The following PTPN12 variants were observed in gnomAD, a reference collection of about 807,000 sequenced individuals.
PTPN12 encodes tyrosine-protein phosphatase non-receptor type 12.
PTPN12 carries 29 observed loss-of-function variants against 97.6 expected under a neutral mutation model. The ratio of observed to expected loss-of-function variants is 0.30; its 90% CI spans 0.22 to 0.41. PTPN12 has a LOEUF of 0.41. Among genes scored for constraint, PTPN12 ranks in the 10% least tolerant of loss-of-function variants. The pLI, the probability that PTPN12 is intolerant of heterozygous loss-of-function variation, is 1.00. For synonymous variants in PTPN12, 327 were observed against 300.4 expected, an observed-to-expected ratio of 1.09 and a Z score of -0.91; for missense variants, 819 against 926.0, an observed-to-expected ratio of 0.88 and a Z score of 1.50.
At chr7:77,566,197 C>T (rs1808248869) in intron 1 of PTPN12, among the ~76,000 whole-genome samples, 1 of 152,144 alleles carries the variant, frequency 6.6e-6, no homozygotes, top group Non-Finnish European at 1.5e-5. Flanking sequence ...GTGAGTAATT[C>T]TATATGACTA....
chr7:77,578,362 G>A (rs1421978186), intron 2 of PTPN12, among the ~76,000 whole-genome samples: 1 of 151,946 alleles, frequency 6.6e-6, no homozygotes, highest in East Asian at 1.9e-4. Flanking sequence ...ATCCCAAATG[G>A]CATATAAAAA....
At chr7:77,552,783 G>A (rs1182656940) in intron 1 of PTPN12, among the ~76,000 whole-genome samples, 1 of 152,092 alleles carries the variant, frequency 6.6e-6, no homozygotes, top group Non-Finnish European at 1.5e-5. Flanking sequence ...AGTTATATAG[G>A]TATTAGACCT....
intron 6 of PTPN12, chr7:77,592,499 C>A (rs1326031426): frequency 1.1e-5 from 4 of 369,302 alleles, no homozygotes; most frequent in Non-Finnish European, 1.9e-5. Flanking sequence ...CTTTGTATAT[C>A]AATTGATAGT....
At chr7:77,539,889 G>T (rs1328628688) in intron 1 of PTPN12, among the ~76,000 whole-genome samples, 1 of 152,184 alleles carries the variant, frequency 6.6e-6, no homozygotes, top group Non-Finnish European at 1.5e-5. Context: ...CATATTTGCA[G>T]GCTGCTCTCG....
chr7:77,623,911 TG>T (rs1789035071), intron 12 of PTPN12, among the ~76,000 whole-genome samples: 1 of 152,212 alleles, frequency 6.6e-6, no homozygotes, highest in Admixed American at 6.5e-5. Flanking sequence ...AGGAGGTGTC[TG>T]CAATTATTTT....
At chr7:77,609,965 AC>A in intron 9 of PTPN12, among the ~76,000 whole-genome samples, 1 of 152,272 alleles carries the variant, frequency 6.6e-6, no homozygotes, top group East Asian at 1.9e-4. Context: ...ATCATTTTTA[AC>A]CCTTCCATCT....
chr7:77,576,246 T>A (rs1330040893), intron 2 of PTPN12, among the ~76,000 whole-genome samples: 1 of 152,220 alleles, frequency 6.6e-6, no homozygotes, highest in African/African-American at 2.4e-5. Context: ...ATTGTATGAA[T>A]GATGAACATA....
chr7:77,537,307 G>C lies in PTPN12; in HGVS notation c.-240G>C, dbSNP rs1806698624. ...GGTTGGGGTTGGCGCTAGCGCAGCGGCTCGCCTGGTACTGTGGGAGAGCGG... is the reference window on the plus strand; with the variant it reads ...GGTTGGGGTTGGCGCTAGCGCAGCGCCTCGCCTGGTACTGTGGGAGAGCGG... On this transcript the variant is annotated 5_prime_UTR_variant, in exon 1 of 18. Transcript: ENST00000248594. 2.2e-6 allele frequency: 1 copy of C among 464,452 alleles called. No individual in the cohort carries two copies. The highest frequency in any genetic ancestry group is 4.0e-5 in the East Asian group (1 of 24,856). The allele number at this position is 464,452 out of a possible 1,614,324, so 28.8% of individuals were successfully genotyped here.
intron 2 of PTPN12, among the ~76,000 whole-genome samples, chr7:77,580,667 A>T (rs1435345373): frequency 6.6e-6 from 1 of 152,156 alleles, no homozygotes; most frequent in Non-Finnish European, 1.5e-5. Flanking sequence ...AGAAAAATAT[A>T]CTTCATAAAA....
At chr7:77,621,077 T>G (rs749177915) in intron 12 of PTPN12, among the ~76,000 whole-genome samples, 1 of 151,856 alleles carries the variant, frequency 6.6e-6, no homozygotes, top group African/African-American at 2.4e-5. Context: ...TATAAAAATA[T>G]GTGTTGTGTG....
At chr7:77,602,289 T>C (rs1443070668) in intron 8 of PTPN12, among the ~76,000 whole-genome samples, 1 of 152,162 alleles carries the variant, frequency 6.6e-6, no homozygotes, top group Non-Finnish European at 1.5e-5. Context: ...ATCTGGTCAT[T>C]CTCATACAAA....
intron 1 of PTPN12, among the ~76,000 whole-genome samples, chr7:77,560,764 A>T (rs1347431689): frequency 6.6e-6 from 1 of 152,208 alleles, no homozygotes; most frequent in African/African-American, 2.4e-5. Context: ...ACTGCATTGT[A>T]TGTATATACT....
At chr7:77,558,909 G>A (rs181506521) in intron 1 of PTPN12, among the ~76,000 whole-genome samples, 94 of 152,282 alleles carry the variant, frequency 6.2e-4, no homozygotes, top group African/African-American at 2.2e-3. Flanking sequence ...GCTACTTTGG[G>A]AAGCTGAGGC....
chr7:77,551,519 G>T (rs1807478766), intron 1 of PTPN12, among the ~76,000 whole-genome samples: 1 of 152,198 alleles, frequency 6.6e-6, no homozygotes, highest in South Asian at 2.1e-4. Context: ...TTAATTGCAG[G>T]TTCTCTTCAG....
chr7:77,544,633 G>A (rs564118406), intron 1 of PTPN12, among the ~76,000 whole-genome samples: 1 of 152,122 alleles, frequency 6.6e-6, no homozygotes, highest in East Asian at 1.9e-4. Context: ...TAGGTTTTTT[G>A]TTCATATGTT....
Position 77,597,001 on chromosome 7 carries a change from G to T in PTPN12, c.493-841G>T, listed in dbSNP as rs1440438447. On this transcript the variant is annotated intron_variant, in intron 6 of 17. Transcript: ENST00000248594. ...TGGTATCATACAGAATAGTGTCATTGCTCTAAAAGTCCTGTGCTCCACCTA... is the reference window on the plus strand; with the variant it reads ...TGGTATCATACAGAATAGTGTCATTTCTCTAAAAGTCCTGTGCTCCACCTA... Among the ~76,000 whole-genome samples, 4 of 116,216 alleles carry T rather than the reference G, an allele frequency of 3.4e-5. No homozygotes were observed. The East Asian group carries it at 2.4e-3, about 71-fold the overall frequency. 76.2% of individuals were successfully genotyped at this position (116,216 alleles called of 152,430 possible).
At chr7:77,632,477 C>T (rs368145553) in intron 14 of PTPN12, 52 bp downstream of exon 14, 44 of 1,333,716 alleles carry the variant, frequency 3.3e-5, no homozygotes, top group South Asian at 4.8e-5. Flanking sequence ...TAATAAACTC[C>T]GAAAAACATA....
chr7:77,561,860 C>T (rs191550522), intron 1 of PTPN12, among the ~76,000 whole-genome samples: 1 of 151,944 alleles, frequency 6.6e-6, no homozygotes, highest in East Asian at 1.9e-4. Context: ...GGCACGATCT[C>T]GGCTCACTGC....
At chr7:77,561,054 A>G (rs1807974231) in intron 1 of PTPN12, among the ~76,000 whole-genome samples, 1 of 152,052 alleles carries the variant, frequency 6.6e-6, no homozygotes, top group Non-Finnish European at 1.5e-5. Context: ...CCTTGCCAAT[A>G]CCTGTTATTC....
Sources: allele counts gnomAD v4.1 joint callset (sites outside exome capture counted in the v4.1 genomes callset), GRCh38; gene constraint gnomAD v4.1.1; transcripts MANE v1.5; gene names NCBI Gene and HGNC (gene_info 2026-07-23, HGNC 2026-07-21).